The following DSCAML1 variants were observed in gnomAD, a reference collection of about 807,000 sequenced individuals.
DSCAML1 encodes the protein DS cell adhesion molecule like 1, also known as cell adhesion molecule DSCAML1.
DSCAML1 carries 38 observed loss-of-function variants against 200.5 expected under a neutral mutation model. That is an observed-to-expected ratio of 0.19 (90% CI 0.15 to 0.25). The LOEUF (loss-of-function observed/expected upper bound fraction) is 0.25, where lower values mean the gene tolerates loss of function less well. Ranked by LOEUF, DSCAML1 falls within the 10% of genes least tolerant of loss-of-function variation. The pLI, the probability that DSCAML1 is intolerant of heterozygous loss-of-function variation, is 1.00. For missense variants in DSCAML1, 2,223 were observed against 2,858.8 expected (o/e 0.78, Z 5.07); for synonymous variants, 1,215 against 1,165.0 (o/e 1.04, Z -0.87).
chr11:117,443,836 G>A lies in DSCAML1; in HGVS notation c.3862+50C>T. The stretch of plus-strand genomic sequence containing the variant: ...TCTGGGGAGAACCAGGATTCTGTAA[G>A]GGAGCTTTTGGAAGTGTTTGCCCCT... On this transcript the variant is annotated intron_variant, in intron 21 of 32. Transcript: ENST00000651296. 3.3e-6 allele frequency: 5 copies of A among 1,532,808 alleles called. No individual in the cohort carries two copies. The South Asian group carries it at 4.9e-5, about 15-fold the overall frequency. The allele number at this position is 1,532,808 out of a possible 1,614,324, so 95.0% of individuals were successfully genotyped here. A position where few individuals can be genotyped will look rare whatever the true frequency, so the allele number is the denominator to read the frequency against.
intron 2 of DSCAML1, among the ~76,000 whole-genome samples, chr11:117,779,425 G>T (rs1435741313): frequency 6.6e-6 from 1 of 151,446 alleles, no homozygotes; most frequent in Admixed American, 6.6e-5. Flanking sequence ...CTACCTCCTT[G>T]CCTCCACCTA....
At chr11:117,688,291 G>A (rs1352419644) in intron 3 of DSCAML1, among the ~76,000 whole-genome samples, 2 of 152,182 alleles carry the variant, frequency 1.3e-5, no homozygotes, top group Non-Finnish European at 2.9e-5. Flanking sequence ...CACCTGGGCA[G>A]GCCTGGCAGC....
intron 3 of DSCAML1, among the ~76,000 whole-genome samples, chr11:117,650,439 C>T (rs886706444): frequency 6.6e-6 from 1 of 151,338 alleles, no homozygotes; most frequent in Admixed American, 6.6e-5. Context: ...AATGAATGCC[C>T]TGAAGAGATG....
chr11:117,682,316 C>A (rs2137696652), intron 3 of DSCAML1, among the ~76,000 whole-genome samples: 1 of 152,296 alleles, frequency 6.6e-6, no homozygotes, highest in African/African-American at 2.4e-5. Flanking sequence ...GCTGCCTTCC[C>A]TCCTTCCCAC....
chr11:117,691,538 T>C (rs2053494035), intron 3 of DSCAML1, among the ~76,000 whole-genome samples: 1 of 152,248 alleles, frequency 6.6e-6, no homozygotes, highest in South Asian at 2.1e-4. Context: ...TATGGGCTTA[T>C]TAATGATAAT....
chr11:117,662,376 G>A (rs1009773139), intron 3 of DSCAML1, among the ~76,000 whole-genome samples: 2 of 152,256 alleles, frequency 1.3e-5, no homozygotes, highest in African/African-American at 4.8e-5. Flanking sequence ...GAAATGTGAA[G>A]GGCTGTCATG....
Position 117,428,193 on chromosome 11 carries a change from G to A in DSCAML1, c.*135C>T. Reference sequence around the variant, plus strand: ...AAGAGTTCTATGTACAGGCGTTCATGATTGGGGGTTTTTGTTTTGTCGTTG... The same window carrying A: ...AAGAGTTCTATGTACAGGCGTTCATAATTGGGGGTTTTTGTTTTGTCGTTG... On this transcript the variant is annotated 3_prime_UTR_variant, in exon 33 of 33. Coordinates refer to ENST00000651296, the MANE Select transcript of DSCAML1 (RefSeq NM_020693.4). 4 of 638,658 alleles carry A rather than the reference G, an allele frequency of 6.3e-6. No individual in the cohort carries two copies. In the South Asian group the frequency reaches 7.2e-5, roughly 12 times the overall value. 39.6% of individuals were successfully genotyped at this position (638,658 alleles called of 1,614,324 possible).
At chr11:117,546,383 T>C (rs181131230) in intron 3 of DSCAML1, among the ~76,000 whole-genome samples, 246 of 152,322 alleles carry the variant, frequency 1.6e-3, no homozygotes, top group Non-Finnish European at 3.0e-3. Flanking sequence ...GCGCAGTGCC[T>C]GGTACATAAC....
chr11:117,794,048 T>A (rs2055528406), intron 1 of DSCAML1, among the ~76,000 whole-genome samples: 2 of 145,782 alleles, frequency 1.4e-5, no homozygotes, highest in Admixed American at 1.4e-4. Context: ...CCCCCCTTTT[T>A]TTAATTAGAC....
chr11:117,472,170 A>G (rs2048699752), intron 14 of DSCAML1, 134 bp from the exon 15 acceptor site: 2 of 913,980 alleles, frequency 2.2e-6, no homozygotes, highest in Admixed American at 4.8e-5. Flanking sequence ...CAGAGAGGGC[A>G]CAGGCCTGAA....
intron 3 of DSCAML1, among the ~76,000 whole-genome samples, chr11:117,708,355 C>T (rs1054161159): frequency 6.6e-6 from 1 of 152,352 alleles, no homozygotes; most frequent in South Asian, 2.1e-4. Context: ...TATAAACCTG[C>T]TGTCAAGTGT....
intron 3 of DSCAML1, among the ~76,000 whole-genome samples, chr11:117,743,405 C>T (rs1385588888): frequency 6.6e-6 from 1 of 152,186 alleles, no homozygotes; most frequent in African/African-American, 2.4e-5. Context: ...ACATAAACTC[C>T]AGGCTTCCTG....
chr11:117,562,267 C>A lies in DSCAML1; in HGVS notation c.512-29745G>T, dbSNP rs958955123. On this transcript the variant is annotated intron_variant, in intron 3 of 32. Transcript: ENST00000651296. Reference sequence around the variant, plus strand: ...GACGCACTGTGGGTCCCAAGGGAGCCCCCCAAGCCTCTCATATGCCTGCCT... The same window carrying A: ...GACGCACTGTGGGTCCCAAGGGAGCACCCCAAGCCTCTCATATGCCTGCCT... 2.0e-5 allele frequency among the ~76,000 whole-genome samples: 3 copies of A among 152,244 alleles called. No homozygotes were observed. The East Asian group carries it at 5.8e-4, about 29-fold the overall frequency.
intron 2 of DSCAML1, 94 bp from the exon 3 acceptor site, chr11:117,777,031 G>A (rs1033682859): frequency 1.1e-5 from 15 of 1,310,920 alleles, no homozygotes; most frequent in East Asian, 7.3e-5. Context: ...AACTCCCTCT[G>A]CTCCTTCAGC....
rs541065389 is a variant in DSCAML1, at chr11:117,539,837, C to T, written c.512-7315G>A. On this transcript the variant is annotated intron_variant, in intron 3 of 32. Transcript: ENST00000651296. The stretch of plus-strand genomic sequence containing the variant: ...ATTTGCACACCCAAGTTCATAGCAG[C>T]GTTATTCACAATAGCCAAAAAGGTG... Among the ~76,000 whole-genome samples the T allele has an allele frequency of 2.6e-5, 4 of 152,156 alleles. No homozygotes were observed. In the South Asian group the frequency reaches 6.2e-4, roughly 24 times the overall value.
intron 3 of DSCAML1, among the ~76,000 whole-genome samples, chr11:117,650,211 G>T (rs2052601731): frequency 6.6e-6 from 1 of 152,184 alleles, no homozygotes; most frequent in African/African-American, 2.4e-5. Context: ...CCAGGAATTT[G>T]TGTCTGCCCA....
chr11:117,547,466 C>G lies in DSCAML1; in HGVS notation c.512-14944G>C, dbSNP rs564484932. ...GCGGCCCCACCCTTCTGCTCCTGCC[C>G]TGAAGGACCGCCCTACACCCTACAC... is the stretch of plus-strand genomic sequence containing the variant. On this transcript the variant is annotated intron_variant, in intron 3 of 32. Coordinates refer to ENST00000651296, the MANE Select transcript of DSCAML1 (RefSeq NM_020693.4). Among the ~76,000 whole-genome samples, 6 of 146,826 alleles carry G rather than the reference C, an allele frequency of 4.1e-5. No homozygotes were observed. The East Asian group carries it at 1.2e-3, about 28-fold the overall frequency.
intron 3 of DSCAML1, among the ~76,000 whole-genome samples, chr11:117,590,367 T>TAA (rs72401768): frequency 3.6e-5 from 5 of 139,166 alleles, no homozygotes; most frequent in Admixed American, 7.3e-5. Context: ...ATACATAACT[T>TAA]AAAAAAAAAA....
chr11:117,437,705 G>GT lies in DSCAML1; in HGVS notation c.4432+189dup, dbSNP rs2137075940. 6.6e-6 allele frequency among the ~76,000 whole-genome samples: 1 copy of GT among 152,284 alleles called. No individual in the cohort carries two copies. The highest frequency in any genetic ancestry group is 2.1e-4 in the South Asian group (1 of 4,824). On this transcript the variant is annotated intron_variant, in intron 25 of 32. Transcript: ENST00000651296. This position sits in a 1 kb window ranked among gnomAD's most constrained non-coding sequence, Gnocchi z 5.3. ...GCCACCCGGTGGGGAAGTGGAACTAGTTTTTCCTAATGGGATCCATCGGGA... is the reference window on the plus strand; with the variant it reads ...GCCACCCGGTGGGGAAGTGGAACTAGTTTTTTCCTAATGGGATCCATCGGGA...
Sources: allele counts gnomAD v4.1 joint callset (sites outside exome capture counted in the v4.1 genomes callset), GRCh38; gene constraint gnomAD v4.1.1; non-coding constraint Gnocchi (gnomAD v3.1); transcripts MANE v1.5; gene names NCBI Gene and HGNC (gene_info 2026-07-23, HGNC 2026-07-21).